Variants in FAM78B observed in about 807,000 individuals in gnomAD.
FAM78B encodes family with sequence similarity 78 member B, also known as protein FAM78B.
In FAM78B, 10 loss-of-function variants were observed where a neutral mutation model predicts 20.0. The ratio of observed to expected loss-of-function variants is 0.50; its 90% CI spans 0.31 to 0.85. The LOEUF is 0.85. FAM78B is among the 40% of genes least tolerant of loss of function. FAM78B has a pLI of 0.05. For synonymous variants in FAM78B, 135 were observed against 132.8 expected, an observed-to-expected ratio of 1.02 and a Z score of -0.12; for missense variants, 283 against 345.0, an observed-to-expected ratio of 0.82 and a Z score of 1.42.
In FAM78B at chr1:166,166,353, C is replaced by G. The variant is rs1044383993; in HGVS notation, c.-105G>C. On this transcript the variant is annotated 5_prime_UTR_variant, in exon 1 of 2. Transcript: ENST00000354422. ...GGCATGGCGACGCGCCGCTCGCTCC[C>G]GGTCAGACTCAGCTCGCACCTAGGA... is the stretch of plus-strand genomic sequence containing the variant. 1.7e-5 allele frequency: 17 copies of G among 980,070 alleles called. No homozygotes were observed. Among genetic ancestry groups the G allele is most frequent in the Admixed American group, 1.1e-4 (2 of 17,980 alleles). The allele number at this position is 980,070 out of a possible 1,614,324, so 60.7% of individuals were successfully genotyped here. A position where few individuals can be genotyped will look rare whatever the true frequency, so the allele number is the denominator to read the frequency against.
At position 166,078,128 on chromosome 1, in the gene FAM78B, T is replaced by G. The variant is rs1009904533; in HGVS notation, c.264-7365A>C. On this transcript the variant is annotated intron_variant, in intron 1 of 1. Coordinates refer to ENST00000354422, the MANE Select transcript of FAM78B (RefSeq NM_001017961.5). Reference sequence around the variant, plus strand: ...CTCACTGCAACCTCCGCCTCTTGGGTTCAAGCAATTCTTCTGCCTCAGACT... The same window carrying G: ...CTCACTGCAACCTCCGCCTCTTGGGGTCAAGCAATTCTTCTGCCTCAGACT... 2.0e-5 allele frequency among the ~76,000 whole-genome samples: 3 copies of G among 150,946 alleles called. No individual in the cohort carries two copies. In the East Asian group the frequency reaches 5.8e-4, roughly 29 times the overall value.
intron 1 of FAM78B, among the ~76,000 whole-genome samples, chr1:166,125,126 T>C (rs1394879526): frequency 6.6e-6 from 1 of 152,248 alleles, no homozygotes; most frequent in East Asian, 1.9e-4. Context: ...TGTTGGGGTA[T>C]GCAGGTTCTG....
intron 1 of FAM78B, among the ~76,000 whole-genome samples, chr1:166,101,965 T>C (rs1246783916): frequency 2.6e-5 from 4 of 152,134 alleles, no homozygotes; most frequent in African/African-American, 9.6e-5. Context: ...GAGAGAAAGG[T>C]CAGGTTACCC....
intron 2 of FAM78B, among the ~76,000 whole-genome samples, chr1:166,063,550 AG>A (rs1651685949): frequency 1.3e-5 from 2 of 148,710 alleles, no homozygotes; most frequent in African/African-American, 5.0e-5. Flanking sequence ...GCAAGACTCC[AG>A]CTCTGTGAAA....
chr1:166,073,512 C>T (rs1395460367), intron 1 of FAM78B, among the ~76,000 whole-genome samples: 3 of 150,242 alleles, frequency 2.0e-5, no homozygotes, highest in Admixed American at 6.6e-5. Context: ...CTCTATCTCT[C>T]GCTCCCTTCC....
intron 1 of FAM78B, among the ~76,000 whole-genome samples, chr1:166,113,266 T>C (rs1281042241): frequency 1.3e-5 from 2 of 152,232 alleles, no homozygotes; most frequent in African/African-American, 2.4e-5. Context: ...ACAGACTTCC[T>C]GGGAGAAAAA....
chr1:166,166,957 A>T lies in FAM78B; in HGVS notation c.-709T>A, dbSNP rs1325503108. 1.4e-5 allele frequency: 2 copies of T among 145,632 alleles called. No individual in the cohort carries two copies. The highest frequency in any genetic ancestry group is 3.0e-5 in the Non-Finnish European group (2 of 66,886). The allele number at this position is 145,632 out of a possible 1,614,324, so 9.0% of individuals were successfully genotyped here. A position where few individuals can be genotyped will look rare whatever the true frequency, so the allele number is the denominator to read the frequency against. On this transcript the variant is annotated 5_prime_UTR_variant, in exon 1 of 2. Coordinates refer to ENST00000354422, the MANE Select transcript of FAM78B (RefSeq NM_001017961.5). ...CGGGGTGGAGAGCCCCAACGGCTGG[A>T]GCAGCACAGGACGTGCTCCGCGGAG...
intron 1 of FAM78B, chr1:166,164,805 G>A (rs1005247152): frequency 6.6e-6 from 1 of 152,218 alleles, no homozygotes; most frequent in Non-Finnish European, 1.5e-5. Flanking sequence ...GAGCTCTAGA[G>A]TTTTAGATTA....
intron 1 of FAM78B, among the ~76,000 whole-genome samples, chr1:166,111,740 G>A (rs1654066731): frequency 6.6e-6 from 1 of 152,170 alleles, no homozygotes; most frequent in African/African-American, 2.4e-5. Context: ...GGTCATCAAA[G>A]TTCACAGCAT....
chr1:166,122,873 G>A (rs1342581303), intron 1 of FAM78B, among the ~76,000 whole-genome samples: 2 of 151,924 alleles, frequency 1.3e-5, no homozygotes, highest in Non-Finnish European at 2.9e-5. Flanking sequence ...CTGTTTTCAG[G>A]TTATCTTTAG....
chr1:166,113,412 C>T (rs1025875706), intron 1 of FAM78B, among the ~76,000 whole-genome samples: 1 of 152,238 alleles, frequency 6.6e-6, no homozygotes, highest in African/African-American at 2.4e-5. Context: ...CTTCACAGAA[C>T]TATGAAGATT....
At chr1:166,152,566 G>A (rs760595079) in intron 1 of FAM78B, among the ~76,000 whole-genome samples, 69 of 152,010 alleles carry the variant, frequency 4.5e-4, no homozygotes, top group Non-Finnish European at 3.5e-4. Context: ...AACTGGCCCC[G>A]GACACTTGTT....
At position 166,086,082 on chromosome 1, in the gene FAM78B, T is replaced by C. The variant is rs1034011925; in HGVS notation, c.264-15319A>G. Among the ~76,000 whole-genome samples, 6 of 152,132 alleles carry C rather than the reference T, an allele frequency of 3.9e-5. No individual in the cohort carries two copies. The East Asian group carries it at 1.2e-3, about 29-fold the overall frequency. ...TAGGTACTATGTTACTCTTTTTTTT[T>C]TTTTTTTTTGCATAAAGGAGCTGAG... On this transcript the variant is annotated intron_variant, in intron 1 of 1. Transcript: ENST00000354422.
chr1:166,126,971 C>G (rs1002929609), intron 1 of FAM78B, among the ~76,000 whole-genome samples: 1 of 152,174 alleles, frequency 6.6e-6, no homozygotes, highest in African/African-American at 2.4e-5. Context: ...ACCTAAGACT[C>G]AGATATTTGT....
exon 3 of FAM78B, chr1:166,060,470 T>G (rs1002721583): frequency 3.5e-6 from 2 of 578,458 alleles, no homozygotes; most frequent in Non-Finnish European, 5.8e-6. Flanking sequence ...ACATGGCTCG[T>G]GGAGGGTGGG....
intron 1 of FAM78B, among the ~76,000 whole-genome samples, chr1:166,119,648 C>G (rs1654392291): frequency 6.6e-6 from 1 of 152,218 alleles, no homozygotes; most frequent in Non-Finnish European, 1.5e-5. Flanking sequence ...CATTTACAAG[C>G]CTTTACAGTT....
At chr1:166,109,876 ATATATG>A (rs1305764198) in intron 1 of FAM78B, among the ~76,000 whole-genome samples, 3 of 16,234 alleles carry the variant, frequency 1.8e-4, no homozygotes, top group Admixed American at 8.9e-4. Flanking sequence ...GTGTATATAT[ATATATG>A]TATATATGTA....
intron 1 of FAM78B, among the ~76,000 whole-genome samples, chr1:166,112,573 C>T (rs1020018628): frequency 6.6e-6 from 1 of 152,156 alleles, no homozygotes; most frequent in African/African-American, 2.4e-5. Context: ...AAGGAGTACA[C>T]ACTAACGTCC....
chr1:166,105,859 T>C (rs1653755364), intron 1 of FAM78B, among the ~76,000 whole-genome samples: 1 of 151,756 alleles, frequency 6.6e-6, no homozygotes, highest in African/African-American at 2.4e-5. Context: ...TTACTGGGTA[T>C]ATACCCAAAG....
Sources: allele counts gnomAD v4.1 joint callset (sites outside exome capture counted in the v4.1 genomes callset), GRCh38; gene constraint gnomAD v4.1.1; transcripts MANE v1.5; gene names NCBI Gene and HGNC (gene_info 2026-07-23, HGNC 2026-07-21).